CSPP1: variants seen among roughly 807,000 people sequenced by gnomAD.
The protein encoded by CSPP1 is centrosome and spindle pole associated protein 1, also known as centrosome and spindle pole-associated protein 1.
In CSPP1, 126 loss-of-function variants were observed where a neutral mutation model predicts 164.4. That is an observed-to-expected ratio of 0.77 (90% confidence interval 0.66 to 0.89). The LOEUF (loss-of-function observed/expected upper bound fraction) is 0.89. Among genes scored for constraint, CSPP1 ranks in the 40% least tolerant of loss-of-function variants. CSPP1 has a pLI of 0.00. For missense variants in CSPP1, 1,395 were observed against 1,449.8 expected, an observed-to-expected ratio of 0.96 and a Z score of 0.61; for synonymous variants, 472 against 476.7, an observed-to-expected ratio of 0.99 and a Z score of 0.13.
At chr8:67,155,042 A>G (rs1826415610) in intron 19 of CSPP1, among the ~76,000 whole-genome samples, 1 of 152,194 alleles carries the variant, frequency 6.6e-6, no homozygotes, top group Non-Finnish European at 1.5e-5. Flanking sequence ...CATTTAACAT[A>G]GTAGAACTGC....
rs1232347707 is a variant in CSPP1 at position 67,139,759 on chromosome 8, C to T, written c.1975+2156C>T. 5.9e-5 allele frequency among the ~76,000 whole-genome samples: 9 copies of T among 152,140 alleles called. No individual in the cohort carries two copies. In the South Asian group the frequency reaches 6.2e-4, roughly 11 times the overall value. ...ATTGCAAGGACAAAAAACCAAACAC[C>T]GCATGTTCTCACTCATAGGTGGGAA... On this transcript the variant is annotated intron_variant, in intron 17 of 30. Transcript: ENST00000678616.
rs1173036818 is a variant in CSPP1 at position 67,195,489 on chromosome 8, A to G, written c.3577A>G (p.Thr1193Ala). 2 of 1,614,216 alleles carry G rather than the reference A, an allele frequency of 1.2e-6. No individual in the cohort carries two copies. The highest frequency in any genetic ancestry group is 1.7e-6 in the Non-Finnish European group (2 of 1,180,028). Reference protein sequence around the residue: ...EPWLRPGTSETLKRFMAEQLN... With the variant: ...EPWLRPGTSEALKRFMAEQLN... ...CTGGCTCCGCCCTGGCACTTCAGAA[A>G]CGCTGAAACGTTTCATGGCAGAGCA... is the stretch of plus-strand genomic sequence containing the variant. Residue 1193 changes from threonine (T) to alanine (A), a missense_variant, in exon 31 of 31, where the codon ACG becomes GCG. Physicochemically the swap from Thr to Ala is moderately conservative, Grantham distance 58. Transcript: ENST00000678616.
chr8:67,076,187 C>T (rs1807871977), intron 2 of CSPP1, among the ~76,000 whole-genome samples: 1 of 151,970 alleles, frequency 6.6e-6, no homozygotes, highest in African/African-American at 2.4e-5. Context: ...TTATAAGCTT[C>T]ATGATGGCAG....
intron 25 of CSPP1, chr8:67,175,088 G>T (rs1831295465): frequency 1.9e-6 from 1 of 518,716 alleles, no homozygotes; most frequent in Non-Finnish European, 3.5e-6. Context: ...TGGTAAGTTT[G>T]TGAAAAGACA....
rs1296026093 is a variant in CSPP1, at chr8:67,118,242, A to G, written c.1497-6A>G. On this transcript the variant is annotated splice_region_variant and splice_polypyrimidine_tract_variant and intron_variant, in intron 13 of 30. Transcript: ENST00000678616. ...AGAGGAATTTTTCATCTTTCTTTTC[A>G]TACAGGATTGCACCTCTGCCTCCAC... 3 of 1,612,520 alleles carry G rather than the reference A, an allele frequency of 1.9e-6. No homozygotes were observed. The highest frequency in any genetic ancestry group is 1.1e-5 in the South Asian group (1 of 90,828).
chr8:67,081,810 T>C (rs1387920815), intron 3 of CSPP1, among the ~76,000 whole-genome samples: 1 of 152,206 alleles, frequency 6.6e-6, no homozygotes, highest in Non-Finnish European at 1.5e-5. Flanking sequence ...AGTGGCACCA[T>C]AATAGCTTAC....
At chr8:67,127,231 A>G (rs910991049) in intron 15 of CSPP1, among the ~76,000 whole-genome samples, 3 of 152,214 alleles carry the variant, frequency 2.0e-5, no homozygotes, top group Non-Finnish European at 2.9e-5. Flanking sequence ...TCAAGCTGCT[A>G]TAACAAAATA....
intron 1 of CSPP1, among the ~76,000 whole-genome samples, chr8:67,066,577 TC>T: frequency 6.6e-6 from 1 of 152,254 alleles, no homozygotes; most frequent in South Asian, 2.1e-4. Context: ...CAGCCTGGGT[TC>T]TATTCTGAGT....
In CSPP1 at chr8:67,196,115, T is replaced by G. The variant is rs557165584; in HGVS notation, c.*522T>G. 6.5e-6 allele frequency: 1 copy of G among 152,832 alleles called. No homozygotes were observed. Among genetic ancestry groups the G allele is most frequent in the East Asian group, 1.9e-4 (1 of 5,192 alleles). The allele number at this position is 152,832 out of a possible 1,614,324, so 9.5% of individuals were successfully genotyped here. A position where few individuals can be genotyped will look rare whatever the true frequency, so the allele number is the denominator to read the frequency against. ...CAGCAGAAATGAAGGGAACTGTAAT[T>G]ACTTGTATTTTTGTAAGCCATACGT... On this transcript the variant is annotated 3_prime_UTR_variant, in exon 31 of 31. Coordinates refer to ENST00000678616, the MANE Select transcript of CSPP1 (RefSeq NM_001382391.1).
At chr8:67,070,885 C>T (rs1018569044) in intron 1 of CSPP1, among the ~76,000 whole-genome samples, 2 of 151,682 alleles carry the variant, frequency 1.3e-5, no homozygotes, top group African/African-American at 4.8e-5. Context: ...TCCCCAATAG[C>T]TGGGACTACA....
At chr8:67,098,398 T>A (rs1311673644) in intron 7 of CSPP1, among the ~76,000 whole-genome samples, 1 of 136,034 alleles carries the variant, frequency 7.4e-6, no homozygotes, top group Admixed American at 7.4e-5. Context: ...CCTATAAACG[T>A]TTACTTTTTT....
intron 25 of CSPP1, 111 bp from the exon 26 acceptor site, chr8:67,175,185 C>A (rs1481001584): frequency 5.2e-6 from 4 of 767,454 alleles, no homozygotes; most frequent in South Asian, 1.8e-5. Flanking sequence ...CTATTTCTAT[C>A]ATTTCCTTGA....
chr8:67,148,895 G>A (rs953302438), intron 17 of CSPP1, among the ~76,000 whole-genome samples: 2 of 152,190 alleles, frequency 1.3e-5, no homozygotes, highest in Non-Finnish European at 1.5e-5. Context: ...TCTATTCTAT[G>A]TAATGAATTA....
intron 15 of CSPP1, among the ~76,000 whole-genome samples, chr8:67,126,331 G>A (rs188818590): frequency 6.6e-6 from 1 of 152,216 alleles, no homozygotes; most frequent in East Asian, 1.9e-4. Context: ...TGAACATTTA[G>A]GAAACATAAT....
rs372197172 is a variant in CSPP1, at chr8:67,095,481, C to T, written c.672C>T (p.Ile224=). 8.1e-5 allele frequency: 131 copies of T among 1,612,784 alleles called. No individual in the cohort carries two copies. Among genetic ancestry groups the T allele is most frequent in the South Asian group, 4.5e-4 (41 of 90,980 alleles). Residue 224 remains isoleucine, a synonymous_variant, in exon 7 of 31, where the codon ATC becomes ATT. Transcript: ENST00000678616. ...EDRYRQLDDE[I]ELRNRRIIKK... ...GATACCGACAACTAGATGATGAAAT[C>T]GAATTAAGGAATAGAAGAATTATTA...
chr8:67,159,870 TTCTTTCTTTC>T lies in CSPP1; in HGVS notation c.2538+735_2538+744del, dbSNP rs1161037123. ...TCTTTCTTTTTCTTTCTTTCTTTCT[TTCTTTCTTTC>T]TTTCTTTCTTTCTTTCTTTCTTTCT... On this transcript the variant is annotated intron_variant, in intron 21 of 30. Coordinates refer to ENST00000678616, the MANE Select transcript of CSPP1 (RefSeq NM_001382391.1). Among the ~76,000 whole-genome samples, 2 of 50,718 alleles carry T rather than the reference TTCTTTCTTTC, an allele frequency of 3.9e-5. 1 individual carries two copies. The highest frequency in any genetic ancestry group is 1.9e-4 in the African/African-American group (2 of 10,610). The allele number at this position is 50,718 out of a possible 152,430, so 33.3% of individuals were successfully genotyped here.
intron 28 of CSPP1, among the ~76,000 whole-genome samples, chr8:67,184,828 G>A (rs1445893971): frequency 2.0e-5 from 3 of 149,534 alleles, no homozygotes; most frequent in African/African-American, 7.3e-5. Flanking sequence ...GGCCGGGCAC[G>A]GTGGCTCAAG....
chr8:67,176,753 A>G (rs1831748840), intron 26 of CSPP1, among the ~76,000 whole-genome samples: 2 of 152,122 alleles, frequency 1.3e-5, no homozygotes, highest in South Asian at 4.1e-4. Context: ...TCCAGTAGAC[A>G]CTATGAAGAC....
intron 8 of CSPP1, among the ~76,000 whole-genome samples, chr8:67,105,572 C>T (rs1227543579): frequency 1.3e-5 from 2 of 151,642 alleles, no homozygotes; most frequent in Admixed American, 6.6e-5. Flanking sequence ...TTATTAGAGA[C>T]GGGGTTTCAC....
Sources: gnomAD v4.1 joint callset for allele counts (sites outside exome capture counted in the v4.1 genomes callset) on GRCh38, gnomAD v4.1.1 for gene constraint, MANE v1.5 for transcripts, NCBI Gene and HGNC (gene_info 2026-07-23, HGNC 2026-07-21) for gene names.